USH2A: variants seen among roughly 807,000 people sequenced by gnomAD.
USH2A encodes the protein Usher syndrome 2A (autosomal recessive, mild).
A neutral mutation model predicts 538.9 loss-of-function variants in USH2A; 443 were observed. The observed-to-expected ratio is 0.82, with a 90% CI of 0.76 to 0.89. USH2A has a LOEUF of 0.89. Among genes scored for constraint, USH2A ranks in the 40% least tolerant of loss-of-function variants. The pLI, the probability that USH2A is intolerant of heterozygous loss-of-function variation, is 0.00. For synonymous variants in USH2A, 2,413 were observed against 2,273.5 expected (o/e 1.06, Z -1.75); for missense variants, 6,633 against 6,324.8 (o/e 1.05, Z -1.65).
At chr1:215,983,112 A>G (rs1255408441) in intron 35 of USH2A, among the ~76,000 whole-genome samples, 1 of 151,964 alleles carries the variant, frequency 6.6e-6, no homozygotes, top group East Asian at 1.9e-4. Flanking sequence ...CACCATGCCC[A>G]GATAATTTTT....
At chr1:215,897,842 G>A (rs1002278764) in intron 40 of USH2A, among the ~76,000 whole-genome samples, 6 of 152,176 alleles carry the variant, frequency 3.9e-5, no homozygotes, top group African/African-American at 1.4e-4. Context: ...GCACTTTGGT[G>A]AGCAGGAGGT....
intron 55 of USH2A, among the ~76,000 whole-genome samples, chr1:215,779,482 C>T (rs779674183): frequency 3.0e-4 from 46 of 152,292 alleles, no homozygotes; most frequent in Non-Finnish European, 6.2e-4. Flanking sequence ...TGATTTTCCC[C>T]TGCCTTCCAG....
chr1:215,865,396 T>C (rs1471935120), intron 44 of USH2A, among the ~76,000 whole-genome samples: 1 of 152,194 alleles, frequency 6.6e-6, no homozygotes, highest in Non-Finnish European at 1.5e-5. Flanking sequence ...TTTGTCAGTT[T>C]TTATAAGCAC....
intron 35 of USH2A, among the ~76,000 whole-genome samples, chr1:215,988,021 AT>A (rs981682689): frequency 6.6e-6 from 1 of 151,588 alleles, no homozygotes; most frequent in African/African-American, 2.4e-5. Flanking sequence ...TCCTCTCTGT[AT>A]CTTTTTTTTA....
intron 61 of USH2A, among the ~76,000 whole-genome samples, chr1:215,683,675 C>A (rs2102674973): frequency 6.6e-6 from 1 of 152,288 alleles, no homozygotes; most frequent in African/African-American, 2.4e-5. Flanking sequence ...ATTTTCCTTC[C>A]TTTTACTCCT....
intron 69 of USH2A, among the ~76,000 whole-genome samples, chr1:215,635,775 CA>C (rs1479212358): frequency 6.6e-6 from 1 of 152,010 alleles, no homozygotes; most frequent in Admixed American, 6.6e-5. Context: ...AGGATGGTCT[CA>C]ATCTCACGAC....
chr1:216,416,218 T>C (rs2039574302), intron 3 of USH2A, among the ~76,000 whole-genome samples: 2 of 152,220 alleles, frequency 1.3e-5, no homozygotes, highest in African/African-American at 4.8e-5. Flanking sequence ...ACCTTAAACA[T>C]ATTCAGACTG....
intron 11 of USH2A, among the ~76,000 whole-genome samples, chr1:216,265,803 G>A (rs558459033): frequency 2.7e-4 from 41 of 152,138 alleles, no homozygotes; most frequent in African/African-American, 8.4e-4. Flanking sequence ...GGCACAGAAA[G>A]ATAAATATTA....
intron 30 of USH2A, among the ~76,000 whole-genome samples, chr1:216,067,496 GA>G (rs368313875): frequency 0.014 from 1,707 of 123,956 alleles, 18 homozygotes; most frequent in African/African-American, 0.024. Flanking sequence ...GCCAGGGAGA[GA>G]AAAAAAAAAA....
intron 30 of USH2A, among the ~76,000 whole-genome samples, chr1:216,051,167 A>C (rs2030771942): frequency 6.6e-6 from 1 of 152,108 alleles, no homozygotes; most frequent in African/African-American, 2.4e-5. Flanking sequence ...CTAGCTTATT[A>C]AGCCTTATCT....
chr1:216,263,572 C>T (rs2036415973), intron 11 of USH2A, among the ~76,000 whole-genome samples: 1 of 152,076 alleles, frequency 6.6e-6, no homozygotes. Context: ...ATTCAACATC[C>T]CTTTATGCTA....
intron 61 of USH2A, among the ~76,000 whole-genome samples, chr1:215,682,741 G>C (rs967552054): frequency 8.4e-6 from 1 of 119,480 alleles, no homozygotes; most frequent in African/African-American, 3.0e-5. Context: ...GCTTAACCTG[G>C]TCTACATGTA....
chr1:215,891,160 C>T (rs1665200577), intron 40 of USH2A, among the ~76,000 whole-genome samples: 1 of 152,088 alleles, frequency 6.6e-6, no homozygotes, highest in Non-Finnish European at 1.5e-5. Context: ...ACTTCAAACC[C>T]CCACAATACA....
At chr1:215,758,521 GTTCTA>G in intron 58 of USH2A, 69 bp downstream of exon 58, 1 of 1,531,130 alleles carries the variant, frequency 6.5e-7, no homozygotes, top group Non-Finnish European at 9.0e-7. Flanking sequence ...TAAATTAACA[GTTCTA>G]TTCTTATCTC....
At chr1:216,361,774 C>T (rs1441294671) in intron 4 of USH2A, among the ~76,000 whole-genome samples, 1 of 152,152 alleles carries the variant, frequency 6.6e-6, no homozygotes, top group Non-Finnish European at 1.5e-5. Flanking sequence ...TTGGGACACC[C>T]ACTTTGGAAA....
intron 41 of USH2A, among the ~76,000 whole-genome samples, chr1:215,880,183 A>G (rs1170129459): frequency 1.3e-5 from 2 of 152,198 alleles, no homozygotes; most frequent in Non-Finnish European, 2.9e-5. Context: ...ACCCCTATGC[A>G]AACCAAAGAG....
chr1:215,712,625 C>T (rs915250008), intron 61 of USH2A, among the ~76,000 whole-genome samples: 1 of 151,960 alleles, frequency 6.6e-6, no homozygotes, highest in African/African-American at 2.4e-5. Context: ...TCTTGGCTGG[C>T]CTTGTCTTTT....
At chr1:215,978,351 T>C (rs1667671148) in intron 35 of USH2A, among the ~76,000 whole-genome samples, 1 of 152,144 alleles carries the variant, frequency 6.6e-6, no homozygotes. Flanking sequence ...CCCACTCTGG[T>C]CACTACTCTT....
At chr1:216,258,664 G>T (rs1158288998) in intron 11 of USH2A, among the ~76,000 whole-genome samples, 1 of 152,092 alleles carries the variant, frequency 6.6e-6, no homozygotes, top group African/African-American at 2.4e-5. Flanking sequence ...CGGGTCAATT[G>T]TAAGATTCAC....
Sources: gnomAD v4.1 joint callset for allele counts (sites outside exome capture counted in the v4.1 genomes callset) on GRCh38, gnomAD v4.1.1 for gene constraint, MANE v1.5 for transcripts, NCBI Gene and HGNC (gene_info 2026-07-23, HGNC 2026-07-21) for gene names.